The following PSKH2 variants were observed in gnomAD, a reference collection of about 807,000 sequenced individuals.
PSKH2 encodes the protein serine/threonine-protein kinase H2.
Under a neutral mutation model 22.5 loss-of-function variants are expected in PSKH2, and 16 were observed. The ratio of observed to expected loss-of-function variants is 0.71; its 90% CI spans 0.48 to 1.08. PSKH2 has a LOEUF of 1.08. PSKH2 is among the 50% of genes least tolerant of loss of function. The pLI, the probability that PSKH2 is intolerant of heterozygous loss-of-function variation, is 0.00. For synonymous variants in PSKH2, 188 were observed against 184.8 expected (o/e 1.02, Z -0.14); for missense variants, 516 against 492.8 (o/e 1.05, Z -0.44).
intron 2 of PSKH2, among the ~76,000 whole-genome samples, chr8:86,063,242 G>GTAT (rs1464154308): frequency 1.3e-5 from 2 of 152,120 alleles, no homozygotes; most frequent in Non-Finnish European, 1.5e-5. Context: ...ATTTTAAGTA[G>GTAT]GTATAAGCAA....
intron 2 of PSKH2, among the ~76,000 whole-genome samples, chr8:86,062,777 G>A (rs896493472): frequency 2.0e-5 from 3 of 152,108 alleles, no homozygotes; most frequent in Non-Finnish European, 4.4e-5. Context: ...GTGTGAAAAT[G>A]GACTAAGACA....
Position 86,047,266 on chromosome 8 carries a change from T to C in PSKH2, c.*1196A>G. Reference sequence around the variant, plus strand: ...TTTATCTAATGAATTTGTAAGTGTCTTTCTATATTAAAGGAATTAATCCAG... The same window carrying C: ...TTTATCTAATGAATTTGTAAGTGTCCTTCTATATTAAAGGAATTAATCCAG... On this transcript the variant is annotated 3_prime_UTR_variant, in exon 3 of 3. Coordinates refer to ENST00000276616, the MANE Select transcript of PSKH2 (RefSeq NM_033126.3). 6.6e-6 allele frequency among the ~76,000 whole-genome samples: 1 copy of C among 152,310 alleles called. No homozygotes were observed. Among genetic ancestry groups the C allele is most frequent in the Non-Finnish European group, 1.5e-5 (1 of 68,014 alleles).
In PSKH2 at chr8:86,048,205, A is replaced by G. The variant is rs1165824664; in HGVS notation, c.*257T>C. ...TTTATTTAATCCATTACATACTTTA[A>G]AGATTTTCTTATCTATTTATTGTTT... On this transcript the variant is annotated 3_prime_UTR_variant, in exon 3 of 3. Coordinates refer to ENST00000276616, the MANE Select transcript of PSKH2 (RefSeq NM_033126.3). Among the ~76,000 whole-genome samples, 2 of 152,194 alleles carry G rather than the reference A, an allele frequency of 1.3e-5. No homozygotes were observed. The highest frequency in any genetic ancestry group is 2.9e-5 in the Non-Finnish European group (2 of 68,026).
Position 86,062,566 on chromosome 8 carries a change from C to T in PSKH2, c.852+1399G>A, listed in dbSNP as rs182638464. 8.2e-4 allele frequency among the ~76,000 whole-genome samples: 125 copies of T among 152,176 alleles called. 1 individual carries two copies. The highest frequency in any genetic ancestry group is 6.8e-3 in the Middle Eastern group (2 of 294). On this transcript the variant is annotated intron_variant, in intron 2 of 2. Transcript: ENST00000276616. ...TCTCATGATAGTGAGCGAGTTCTAA[C>T]GAGATCTGATGGTTTTATAAAGGGC... is the stretch of plus-strand genomic sequence containing the variant.
At chr8:86,067,684 T>C (rs571151238) in intron 1 of PSKH2, among the ~76,000 whole-genome samples, 1 of 152,220 alleles carries the variant, frequency 6.6e-6, no homozygotes, top group East Asian at 1.9e-4. Flanking sequence ...AAGGAAATAA[T>C]AATAGTGTTA....
intron 1 of PSKH2, among the ~76,000 whole-genome samples, chr8:86,066,068 A>G (rs1817852644): frequency 6.6e-6 from 1 of 152,106 alleles, no homozygotes; most frequent in Non-Finnish European, 1.5e-5. Context: ...TAAAATCACG[A>G]TTGTATAGCT....
At chr8:86,060,389 A>G (rs1450685402) in intron 2 of PSKH2, among the ~76,000 whole-genome samples, 1 of 152,222 alleles carries the variant, frequency 6.6e-6, no homozygotes, top group Non-Finnish European at 1.5e-5. Flanking sequence ...CCTTTACTCT[A>G]CAGTGGTCAC....
At chr8:86,050,559 A>T (rs1424392700) in intron 2 of PSKH2, among the ~76,000 whole-genome samples, 2 of 152,128 alleles carry the variant, frequency 1.3e-5, no homozygotes, top group African/African-American at 2.4e-5. Flanking sequence ...AGCTGTCCCC[A>T]CTTTGGCCTG....
intron 2 of PSKH2, among the ~76,000 whole-genome samples, chr8:86,049,675 GAAGAAAGAAAGA>G (rs1156489675): frequency 0.025 from 2,622 of 105,910 alleles, 105 homozygotes; most frequent in African/African-American, 0.029. Context: ...GAGTGAGAAA[GAAGAAAGAAAGA>G]AAGAAAGAAA....
At chr8:86,069,417 G>T in intron 1 of PSKH2, 21 bp downstream of exon 1, 2 of 1,554,818 alleles carry the variant, frequency 1.3e-6, no homozygotes, top group Non-Finnish European at 1.7e-6. Flanking sequence ...TCCCAGGCCA[G>T]TTCCTCACGT....
intron 2 of PSKH2, 48 bp from the exon 3 acceptor site, chr8:86,048,815 T>C: frequency 3.5e-6 from 5 of 1,416,294 alleles, no homozygotes; most frequent in Non-Finnish European, 4.8e-6. Context: ...AAAATGGAAA[T>C]ATACACAAAC....
chr8:86,049,737 A>C (rs1464782161), intron 2 of PSKH2, among the ~76,000 whole-genome samples: 2 of 44,416 alleles, frequency 4.5e-5, no homozygotes, highest in African/African-American at 8.7e-5. Flanking sequence ...AAAGAAAGAA[A>C]GAAAGAAAGA....
chr8:86,050,718 G>A (rs1230997245), intron 2 of PSKH2, among the ~76,000 whole-genome samples: 4 of 152,088 alleles, frequency 2.6e-5, no homozygotes, highest in Non-Finnish European at 4.4e-5. Flanking sequence ...TTGCCCATAC[G>A]TTTGCTGTAT....
intron 2 of PSKH2, among the ~76,000 whole-genome samples, chr8:86,061,588 CAGCTGT>C (rs1044781471): frequency 2.0e-5 from 3 of 152,162 alleles, no homozygotes; most frequent in African/African-American, 7.2e-5. Flanking sequence ...CCCCTTCCCT[CAGCTGT>C]CATGTAAGAA....
Position 86,061,454 on chromosome 8 carries a change from A to C in PSKH2, c.852+2511T>G, listed in dbSNP as rs529063166. Among the ~76,000 whole-genome samples, 11 of 152,204 alleles carry C rather than the reference A, an allele frequency of 7.2e-5. No homozygotes were observed. The South Asian group carries it at 2.3e-3, about 32-fold the overall frequency. On this transcript the variant is annotated intron_variant, in intron 2 of 2. Coordinates refer to ENST00000276616, the MANE Select transcript of PSKH2 (RefSeq NM_033126.3). ...TATCACACTCTGTGTAGTTCCCCCCAACATTGAATCATGGCTGGCCTAGGA... is the reference window on the plus strand; with the variant it reads ...TATCACACTCTGTGTAGTTCCCCCCCACATTGAATCATGGCTGGCCTAGGA...
At chr8:86,057,843 A>T (rs1817723936) in intron 2 of PSKH2, among the ~76,000 whole-genome samples, 1 of 152,134 alleles carries the variant, frequency 6.6e-6, no homozygotes, top group African/African-American at 2.4e-5. Flanking sequence ...CAGTTTTCCT[A>T]AGCAATGATA....
intron 2 of PSKH2, among the ~76,000 whole-genome samples, chr8:86,052,807 A>C (rs1201344143): frequency 6.6e-6 from 1 of 152,236 alleles, no homozygotes; most frequent in Admixed American, 6.5e-5. Context: ...TCATTAAATT[A>C]ATTTAGTTGC....
chr8:86,050,022 A>G (rs945291847), intron 2 of PSKH2, among the ~76,000 whole-genome samples: 2 of 152,212 alleles, frequency 1.3e-5, no homozygotes, highest in African/African-American at 4.8e-5. Flanking sequence ...TTCAACACGT[A>G]ACAGCTATGA....
intron 1 of PSKH2, among the ~76,000 whole-genome samples, chr8:86,068,631 G>T (rs959865305): frequency 1.3e-5 from 2 of 152,138 alleles, no homozygotes; most frequent in African/African-American, 4.8e-5. Context: ...GTTCTACATG[G>T]TACATGATAG....
Sources: allele counts gnomAD v4.1 joint callset (sites outside exome capture counted in the v4.1 genomes callset), GRCh38; gene constraint gnomAD v4.1.1; transcripts MANE v1.5; gene names NCBI Gene and HGNC (gene_info 2026-07-23, HGNC 2026-07-21).